Variants in ACAD11 observed in about 807,000 individuals in gnomAD.
The protein encoded by ACAD11 is acyl-CoA dehydrogenase family member 11, also known as acyl-Coenzyme A dehydrogenase family, member 11.
Under a neutral mutation model 102.2 loss-of-function variants are expected in ACAD11, and 83 were observed. The observed-to-expected ratio is 0.81, with a 90% CI of 0.68 to 0.97. The LOEUF (loss-of-function observed/expected upper bound fraction) is 0.97. Among genes scored for constraint, ACAD11 ranks in the 50% least tolerant of loss-of-function variants. ACAD11 has a pLI of 0.00. For synonymous variants in ACAD11, 324 were observed against 319.8 expected, an observed-to-expected ratio of 1.01 and a Z score of -0.14; for missense variants, 901 against 951.7, an observed-to-expected ratio of 0.95 and a Z score of 0.70.
chr3:132,649,639 T>G (rs1383013764), intron 1 of ACAD11, among the ~76,000 whole-genome samples: 2 of 152,218 alleles, frequency 1.3e-5, no homozygotes, highest in Non-Finnish European at 2.9e-5. Flanking sequence ...ACTCAGAGAC[T>G]GGTGCTGGTG....
At chr3:132,631,618 C>T (rs10935023) in intron 5 of ACAD11, 139 bp from the exon 6 acceptor site, 71,403 of 601,474 alleles carry the variant, frequency 0.12, 7,606 homozygotes, top group East Asian at 0.57. Flanking sequence ...AGTGGCATAT[C>T]TCATTTATAA....
intron 2 of ACAD11, among the ~76,000 whole-genome samples, chr3:132,643,735 G>C (rs879267702): frequency 6.6e-6 from 1 of 152,120 alleles, no homozygotes. Context: ...CGAGGGGGAG[G>C]GGGTAAGGGG....
chr3:132,568,495 A>T (rs1316310609), intron 17 of ACAD11, among the ~76,000 whole-genome samples: 1 of 152,224 alleles, frequency 6.6e-6, no homozygotes, highest in East Asian at 1.9e-4. Context: ...AGATATAGAC[A>T]AGATTATTTT....
rs763565865 is a variant in ACAD11, at chr3:132,559,040, T to C, written c.2274A>G (p.Glu758=). 2 of 1,613,854 alleles carry C rather than the reference T, an allele frequency of 1.2e-6. No individual in the cohort carries two copies. The highest frequency in any genetic ancestry group is 1.7e-6 in the Non-Finnish European group (2 of 1,179,862). The change falls in exon 20 of 20, where the codon GAA becomes GAG. Residue 758 remains glutamate (E), a synonymous_variant. Coordinates refer to ENST00000264990, the MANE Select transcript of ACAD11 (RefSeq NM_032169.5). ...TTGTTGCGATTGCTGAAAGATGAAC[T>C]TCGTCAGGTCCATCTGCTAAACGCA... is the stretch of plus-strand genomic sequence containing the variant. The part of the protein sequence containing the change: ...RVLRLADGPD[E]VHLSAIATME...
At chr3:132,628,525 T>G in intron 7 of ACAD11, 79 bp from the exon 8 acceptor site, 1 of 1,015,200 alleles carries the variant, frequency 9.9e-7, no homozygotes, top group Non-Finnish European at 1.5e-6. Flanking sequence ...AGTTTCTCAG[T>G]TATATGTGAC....
Position 132,631,467 on chromosome 3 carries a change from C to T in ACAD11, c.715G>A (p.Ala239Thr). The change falls in exon 6 of 20, where the codon GCA (alanine) becomes ACA (threonine). Residue 239 changes from alanine (A) to threonine (T), a missense_variant. Coordinates refer to ENST00000264990, the MANE Select transcript of ACAD11 (RefSeq NM_032169.5). The stretch of plus-strand genomic sequence containing the variant: ...GTTGACAGCTCCCAATCCAGCACTG[C>T]TATAACTCGACACTGTAATTAAAAA... ...VFHPKECRVI[A>T]VLDWELSTIG... 6.7e-7 allele frequency: 1 copy of T among 1,496,742 alleles called. No individual in the cohort carries two copies. Among genetic ancestry groups the T allele is most frequent in the Non-Finnish European group, 8.9e-7 (1 of 1,120,554 alleles). 92.7% of individuals were successfully genotyped at this position (1,496,742 alleles called of 1,614,324 possible).
chr3:132,577,881 C>T (rs931082099), intron 15 of ACAD11, among the ~76,000 whole-genome samples: 2 of 152,122 alleles, frequency 1.3e-5, no homozygotes, highest in Non-Finnish European at 2.9e-5. Context: ...GCGGCCGTTT[C>T]GCTGCAACCC....
chr3:132,659,456 A>G, intron 1 of ACAD11, 147 bp downstream of exon 1: 1 of 1,136,566 alleles, frequency 8.8e-7, no homozygotes. Flanking sequence ...AGGGCCGGCA[A>G]TAGCAGCTCA....
chr3:132,596,195 C>T (rs1461285449), intron 13 of ACAD11, among the ~76,000 whole-genome samples: 5 of 152,156 alleles, frequency 3.3e-5, no homozygotes, highest in Non-Finnish European at 5.9e-5. Flanking sequence ...AAGCTAAATA[C>T]TGCATGTTCT....
At chr3:132,638,797 T>C (rs1399084844) in intron 5 of ACAD11, among the ~76,000 whole-genome samples, 1 of 152,160 alleles carries the variant, frequency 6.6e-6, no homozygotes, top group Non-Finnish European at 1.5e-5. Flanking sequence ...ATTAACAAGG[T>C]TAGAATTCAG....
At chr3:132,621,133 C>T (rs1161750865) in intron 9 of ACAD11, 2 of 152,152 alleles carry the variant, frequency 1.3e-5, no homozygotes. Context: ...AAAAATTACT[C>T]TTAAAAGTTT....
At chr3:132,583,471 T>C (rs1247449071) in intron 13 of ACAD11, among the ~76,000 whole-genome samples, 2 of 152,172 alleles carry the variant, frequency 1.3e-5, no homozygotes, top group Admixed American at 6.5e-5. Flanking sequence ...TAGAGGTCTA[T>C]CAATTTTGTT....
At chr3:132,645,357 T>C (rs541823900) in intron 1 of ACAD11, among the ~76,000 whole-genome samples, 1 of 152,272 alleles carries the variant, frequency 6.6e-6, no homozygotes, top group East Asian at 1.9e-4. Context: ...GGCTAGTGCG[T>C]GAGTTGAGCT....
intron 9 of ACAD11, among the ~76,000 whole-genome samples, chr3:132,621,902 C>G (rs1419374745): frequency 6.6e-6 from 1 of 151,076 alleles, no homozygotes; most frequent in Non-Finnish European, 1.5e-5. Flanking sequence ...TCACTTGAAC[C>G]CAGGAAGCAG....
At chr3:132,612,087 T>C (rs1267539140) in intron 11 of ACAD11, among the ~76,000 whole-genome samples, 1 of 152,026 alleles carries the variant, frequency 6.6e-6, no homozygotes, top group Non-Finnish European at 1.5e-5. Flanking sequence ...TACAACTATC[T>C]GATCTTTGAT....
intron 8 of ACAD11, 106 bp downstream of exon 8, chr3:132,628,234 C>A: frequency 3.2e-6 from 2 of 619,156 alleles, no homozygotes; most frequent in South Asian, 6.6e-5. Flanking sequence ...CAGCAGCAAT[C>A]CTGGTGTATG....
At position 132,565,319 on chromosome 3, in the gene ACAD11, G is replaced by C. The variant is rs1937180000; in HGVS notation, c.2002-4102C>G. Among the ~76,000 whole-genome samples, 3 of 152,260 alleles carry C rather than the reference G, an allele frequency of 2.0e-5. 1 individual carries two copies. In the South Asian group the frequency reaches 6.2e-4, roughly 32 times the overall value. ...CCCCAACCCATCTTATGGGTTGTTA[G>C]TGCAGTCCAAATGGGATGCCTGGAC... On this transcript the variant is annotated intron_variant, in intron 17 of 19. Coordinates refer to ENST00000264990, the MANE Select transcript of ACAD11 (RefSeq NM_032169.5).
At chr3:132,627,685 AAAG>A (rs1455935594) in intron 8 of ACAD11, among the ~76,000 whole-genome samples, 1 of 152,224 alleles carries the variant, frequency 6.6e-6, no homozygotes, top group Non-Finnish European at 1.5e-5. Flanking sequence ...AAAATAAAAT[AAAG>A]AAGACCTGTA....
chr3:132,658,154 C>T (rs1937918744), intron 1 of ACAD11, among the ~76,000 whole-genome samples: 3 of 152,156 alleles, frequency 2.0e-5, no homozygotes, highest in Admixed American at 2.0e-4. Flanking sequence ...TGAGTCACTG[C>T]ACCTGGCCAA....
Sources: allele counts gnomAD v4.1 joint callset (sites outside exome capture counted in the v4.1 genomes callset), GRCh38; gene constraint gnomAD v4.1.1; transcripts MANE v1.5; gene names NCBI Gene and HGNC (gene_info 2026-07-23, HGNC 2026-07-21).